Variants in BMPR1A observed in about 807,000 individuals in gnomAD.
BMPR1A encodes the protein bone morphogenetic protein receptor type-1A.
Under a neutral mutation model 66.0 loss-of-function variants are expected in BMPR1A, and 7 were observed. That is an observed-to-expected ratio of 0.11 (90% CI 0.06 to 0.20). The LOEUF (loss-of-function observed/expected upper bound fraction) is 0.20, where lower values mean the gene tolerates loss of function less well. Among genes scored for constraint, BMPR1A ranks in the 10% least tolerant of loss-of-function variants. The pLI, the probability that BMPR1A is intolerant of heterozygous loss-of-function variation, is 1.00. For missense variants in BMPR1A, 408 were observed against 669.1 expected (o/e 0.61, Z 4.31); for synonymous variants, 200 against 229.7 (o/e 0.87, Z 1.17).
intron 1 of BMPR1A, among the ~76,000 whole-genome samples, chr10:86,835,695 A>G (rs1319654661): frequency 2.0e-5 from 3 of 151,836 alleles, no homozygotes; most frequent in Non-Finnish European, 4.4e-5. Flanking sequence ...AACCTTATAG[A>G]TAACTGTTAT....
intron 1 of BMPR1A, among the ~76,000 whole-genome samples, chr10:86,771,841 A>G (rs1457877113): frequency 6.6e-6 from 1 of 152,124 alleles, no homozygotes; most frequent in Non-Finnish European, 1.5e-5. Flanking sequence ...GGCTCACTGT[A>G]GCCTCGGCTG....
intron 1 of BMPR1A, among the ~76,000 whole-genome samples, chr10:86,772,126 G>GTTTTTTTT (rs777280640): frequency 2.3e-5 from 2 of 88,872 alleles, no homozygotes; most frequent in African/African-American, 4.8e-5. Flanking sequence ...TCAGAGATAG[G>GTTTTTTTT]TTTTTTTTTT....
rs1287948928 is a variant in BMPR1A, at chr10:86,790,202, T to A, written c.-268+33283T>A. Among the ~76,000 whole-genome samples, 163 of 22,736 alleles carry A rather than the reference T, an allele frequency of 7.2e-3. 18 individuals carry two copies. Among genetic ancestry groups the A allele is most frequent in the African/African-American group, 0.028 (143 of 5,092 alleles). 14.9% of individuals were successfully genotyped at this position (22,736 alleles called of 152,430 possible). A position where few individuals can be genotyped will look rare whatever the true frequency, so the allele number is the denominator to read the frequency against. Reference sequence around the variant, plus strand: ...AAAAAAAAAAAAATATATATATATATATATATATATATATATATATATATA... The same window carrying A: ...AAAAAAAAAAAAATATATATATATAAATATATATATATATATATATATATA... On this transcript the variant is annotated intron_variant, in intron 1 of 12. Transcript: ENST00000372037.
chr10:86,912,026 A>G (rs1283966556), intron 7 of BMPR1A, among the ~76,000 whole-genome samples: 1 of 152,166 alleles, frequency 6.6e-6, no homozygotes, highest in African/African-American at 2.4e-5. Flanking sequence ...TTACATGCCA[A>G]TACACTATAG....
intron 1 of BMPR1A, among the ~76,000 whole-genome samples, chr10:86,769,442 A>G (rs574542204): frequency 6.6e-6 from 1 of 152,334 alleles, no homozygotes; most frequent in East Asian, 1.9e-4. Flanking sequence ...GAAAAAAGTA[A>G]ATAGAATCAG....
At chr10:86,788,534 A>G (rs548813240) in intron 1 of BMPR1A, among the ~76,000 whole-genome samples, 16 of 152,304 alleles carry the variant, frequency 1.1e-4, no homozygotes, top group South Asian at 4.1e-4. Context: ...ACCTGAATCA[A>G]TTTCCAAATC....
chr10:86,775,712 A>G (rs1353651371), intron 1 of BMPR1A, among the ~76,000 whole-genome samples: 2 of 151,906 alleles, frequency 1.3e-5, no homozygotes, highest in African/African-American at 4.8e-5. Context: ...GCAACAATAC[A>G]GAAAACTGCT....
rs148660774 is a variant in BMPR1A, at chr10:86,879,398, G to T, written c.67+3313G>T. On this transcript the variant is annotated intron_variant, in intron 3 of 12. Coordinates refer to ENST00000372037, the MANE Select transcript of BMPR1A (RefSeq NM_004329.3). The stretch of plus-strand genomic sequence containing the variant: ...TGTTAAATCACTGGCAAGGGGAATG[G>T]AACTAAAATTGTTGGATTAGACCAA... 5.6e-4 allele frequency among the ~76,000 whole-genome samples: 85 copies of T among 152,294 alleles called. 2 individuals are homozygous for T. The East Asian group carries it at 0.015, about 28-fold the overall frequency.
intron 1 of BMPR1A, among the ~76,000 whole-genome samples, chr10:86,791,857 G>A (rs1841629865): frequency 6.7e-6 from 1 of 149,430 alleles, no homozygotes; most frequent in African/African-American, 2.5e-5. Flanking sequence ...GAGTAGCTGG[G>A]ACTACAGATG....
Position 86,855,610 on chromosome 10 carries a change from A to G in BMPR1A, c.-153+16631A>G, listed in dbSNP as rs187420909. On this transcript the variant is annotated intron_variant, in intron 2 of 12. Coordinates refer to ENST00000372037, the MANE Select transcript of BMPR1A (RefSeq NM_004329.3). ...AGTACTATTTGAAGAACTCTTGAGT[A>G]TTTACTTTCTGTAAAGGAAGTTCAC... is the stretch of plus-strand genomic sequence containing the variant. 1.5e-4 allele frequency: 92 copies of G among 622,914 alleles called. No homozygotes were observed. The African/African-American group carries it at 1.5e-3, about 10-fold the overall frequency. The allele number at this position is 622,914 out of a possible 1,614,324, so 38.6% of individuals were successfully genotyped here.
chr10:86,763,148 C>G (rs1841098444), intron 1 of BMPR1A, among the ~76,000 whole-genome samples: 1 of 152,086 alleles, frequency 6.6e-6, no homozygotes, highest in Non-Finnish European at 1.5e-5. Flanking sequence ...CCCACCTCGG[C>G]CTCCCAAAGT....
At chr10:86,833,227 G>A (rs1427364761) in intron 1 of BMPR1A, among the ~76,000 whole-genome samples, 2 of 152,200 alleles carry the variant, frequency 1.3e-5, no homozygotes, top group Admixed American at 1.3e-4. Flanking sequence ...ACTTGGTATT[G>A]TCTTTTGATT....
At chr10:86,890,692 C>G (rs960712486) in intron 4 of BMPR1A, among the ~76,000 whole-genome samples, 13 of 152,156 alleles carry the variant, frequency 8.5e-5, no homozygotes, top group African/African-American at 3.1e-4. Flanking sequence ...CCTCAGCCTC[C>G]CAAAGTGCTG....
intron 7 of BMPR1A, among the ~76,000 whole-genome samples, chr10:86,903,849 G>A (rs1019596564): frequency 4.0e-5 from 6 of 151,758 alleles, no homozygotes; most frequent in Non-Finnish European, 7.4e-5. Context: ...CTCATGATCC[G>A]CCCGCCTTGG....
intron 2 of BMPR1A, chr10:86,854,777 T>C (rs1169395401): frequency 4.1e-6 from 1 of 245,756 alleles, no homozygotes; most frequent in Non-Finnish European, 8.7e-6. Context: ...GATTTAACTT[T>C]TCAGTTTCTT....
At chr10:86,915,554 C>T (rs1022369092) in intron 8 of BMPR1A, among the ~76,000 whole-genome samples, 2 of 151,986 alleles carry the variant, frequency 1.3e-5, no homozygotes. Flanking sequence ...CATGGTGAAA[C>T]CCTGTCTCTA....
chr10:86,918,229 C>T (rs1843606240), intron 9 of BMPR1A, among the ~76,000 whole-genome samples: 1 of 152,212 alleles, frequency 6.6e-6, no homozygotes, highest in African/African-American at 2.4e-5. Context: ...AACTTGATTA[C>T]ATCTGCAAAG....
chr10:86,807,723 T>C (rs192411219), intron 1 of BMPR1A, among the ~76,000 whole-genome samples: 47 of 152,316 alleles, frequency 3.1e-4, no homozygotes, highest in African/African-American at 1.0e-3. Flanking sequence ...GTTTTGACAG[T>C]GCATACGCTT....
At chr10:86,814,346 C>T (rs536919891) in intron 1 of BMPR1A, among the ~76,000 whole-genome samples, 88 of 152,076 alleles carry the variant, frequency 5.8e-4, no homozygotes, top group Non-Finnish European at 1.1e-3. Flanking sequence ...GTTGCTTGTT[C>T]TCCTGCTTTT....
Sources: allele counts gnomAD v4.1 joint callset (sites outside exome capture counted in the v4.1 genomes callset), GRCh38; gene constraint gnomAD v4.1.1; transcripts MANE v1.5; gene names NCBI Gene and HGNC (gene_info 2026-07-23, HGNC 2026-07-21).